LRRC63: variants seen among roughly 807,000 people sequenced by gnomAD.
LRRC63 encodes the protein leucine rich repeat containing 63.
LRRC63 carries 40 observed loss-of-function variants against 49.5 expected under a neutral mutation model. The observed-to-expected ratio is 0.81, with a 90% CI of 0.63 to 1.05. LRRC63 has a LOEUF of 1.05. Ranked by LOEUF, LRRC63 falls within the 50% of genes least tolerant of loss-of-function variation. The probability of loss-of-function intolerance (pLI) is 0.00; values close to 1 mark genes in which losing one functional copy is unlikely to be tolerated. For missense variants in LRRC63, 636 were observed against 663.1 expected, an observed-to-expected ratio of 0.96 and a Z score of 0.45; for synonymous variants, 191 against 221.1, an observed-to-expected ratio of 0.86 and a Z score of 1.21.
chr13:46,227,915 T>G (rs2046625225), exon 3 of LRRC63: 1 of 1,550,536 alleles, frequency 6.4e-7, no homozygotes, highest in East Asian at 2.4e-5. Context: ...AAAGTACTCC[T>G]GGCTCAGTTA....
chr13:46,270,112 G>T, intron 9 of LRRC63: 1 of 657,636 alleles, frequency 1.5e-6, no homozygotes. Context: ...AGCCGGTGGT[G>T]CCTTTGTTCG....
At chr13:46,219,773 G>A (rs560803867) in intron 2 of LRRC63, among the ~76,000 whole-genome samples, 125 of 152,246 alleles carry the variant, frequency 8.2e-4, no homozygotes, top group Admixed American at 9.8e-4. Context: ...GGTCACCTTC[G>A]GATGGGGTTT....
intron 2 of LRRC63, among the ~76,000 whole-genome samples, chr13:46,222,805 C>T (rs1371091997): frequency 2.0e-5 from 3 of 151,746 alleles, no homozygotes; most frequent in Non-Finnish European, 4.4e-5. Flanking sequence ...AGACTTGGAA[C>T]CAACCCAAAT....
At chr13:46,262,021 T>A in intron 8 of LRRC63, 29 bp downstream of exon 8, 1 of 661,904 alleles carries the variant, frequency 1.5e-6, no homozygotes, top group Non-Finnish European at 2.2e-6. Context: ...GAAAGTTATA[T>A]GCCCCTTAAT....
intron 9 of LRRC63, chr13:46,270,624 G>A: frequency 1.2e-6 from 1 of 834,150 alleles, no homozygotes; most frequent in Non-Finnish European, 2.1e-6. Flanking sequence ...ACGTCATGAG[G>A]ACTGACATGG....
At chr13:46,229,615 A>G (rs1001227864) in intron 4 of LRRC63, among the ~76,000 whole-genome samples, 37 of 152,170 alleles carry the variant, frequency 2.4e-4, no homozygotes, top group Non-Finnish European at 4.3e-4. Flanking sequence ...AATTGAAGGA[A>G]GGTGAATCAA....
chr13:46,257,538 T>C (rs1446308453), intron 7 of LRRC63, among the ~76,000 whole-genome samples: 1 of 152,124 alleles, frequency 6.6e-6, no homozygotes, highest in East Asian at 1.9e-4. Context: ...ATAAATTATA[T>C]AGTATGTGAG....
At chr13:46,240,020 C>T (rs1021554377) in intron 5 of LRRC63, among the ~76,000 whole-genome samples, 2 of 152,116 alleles carry the variant, frequency 1.3e-5, no homozygotes, top group Non-Finnish European at 1.5e-5. Context: ...TAAGAGCCAC[C>T]TATGACAGAC....
chr13:46,237,565 A>C (rs140408631), intron 5 of LRRC63, among the ~76,000 whole-genome samples: 2,367 of 152,256 alleles, frequency 0.016, 74 homozygotes, highest in African/African-American at 0.053. Flanking sequence ...AACTAAATCC[A>C]AAGCTAACAG....
chr13:46,228,781 A>T (rs1188306674), intron 4 of LRRC63, 48 bp downstream of exon 4: 2 of 1,269,742 alleles, frequency 1.6e-6, no homozygotes, highest in Non-Finnish European at 2.2e-6. Context: ...ATGTAAGATT[A>T]TATCTTTAAA....
intron 7 of LRRC63, among the ~76,000 whole-genome samples, chr13:46,253,975 TAAAG>T (rs929210124): frequency 1.3e-5 from 2 of 152,038 alleles, no homozygotes; most frequent in South Asian, 2.1e-4. Context: ...TACAGACAGA[TAAAG>T]AAATTATAAA....
At chr13:46,276,900 T>C (rs2138609001) in exon 10 of LRRC63, 1 of 156,286 alleles carries the variant, frequency 6.4e-6, no homozygotes, top group South Asian at 2.3e-4. Context: ...ATATATAAAC[T>C]TTACTGGCTT....
intron 7 of LRRC63, among the ~76,000 whole-genome samples, chr13:46,255,596 A>G (rs899815265): frequency 2.0e-5 from 3 of 149,796 alleles, no homozygotes; most frequent in Non-Finnish European, 4.4e-5. Context: ...TGAGCCTGGG[A>G]AGTTGAGGCT....
At position 46,227,900 on chromosome 13, in the gene LRRC63, A is replaced by C. The variant is rs561189831; in HGVS notation, c.474A>C (p.Lys158Asn). 7.5e-4 allele frequency: 1,160 copies of C among 1,550,500 alleles called. 2 individuals carry two copies. The highest frequency in any genetic ancestry group is 6.4e-4 in the Non-Finnish European group (739 of 1,146,996). The change falls in exon 3 of 10, where the codon AAA (lysine) becomes AAC (asparagine). Residue 158 changes from lysine to asparagine, a missense_variant. Lys to Asn is a moderately conservative substitution (Grantham distance 94). Coordinates refer to ENST00000595396, the Ensembl canonical transcript of LRRC63. ...TAATTCTTTCTTCCAAGTTTTCCAA[A>C]CCTAAAAGTACTCCTGGCTCAGTTA... is the stretch of plus-strand genomic sequence containing the variant.
chr13:46,271,630 C>G (rs1445664716), intron 9 of LRRC63, among the ~76,000 whole-genome samples: 1 of 151,702 alleles, frequency 6.6e-6, no homozygotes, highest in Non-Finnish European at 1.5e-5. Context: ...GTCTCACATA[C>G]TCTAGTTACC....
chr13:46,227,368 C>T, intron 2 of LRRC63, 144 bp from the exon 3 acceptor site: 1 of 558,990 alleles, frequency 1.8e-6, no homozygotes, highest in Non-Finnish European at 3.0e-6. Flanking sequence ...CAACACACAT[C>T]CTGGTAGCTG....
At position 46,264,574 on chromosome 13, in the gene LRRC63, A is replaced by G. The variant is rs532713251; in HGVS notation, c.1311-2159A>G. Among the ~76,000 whole-genome samples the G allele has an allele frequency of 8.5e-5, 13 of 152,130 alleles. No individual in the cohort carries two copies. The East Asian group carries it at 2.5e-3, about 29-fold the overall frequency. On this transcript the variant is annotated intron_variant, in intron 8 of 9. Coordinates refer to ENST00000595396, the Ensembl canonical transcript of LRRC63. The stretch of plus-strand genomic sequence containing the variant: ...TACACATCATGCATTTTGGTTCCAG[A>G]ACATCTCTGCGTGTCTGTGTGTGCT...
chr13:46,258,547 C>G (rs1424452892), intron 7 of LRRC63, among the ~76,000 whole-genome samples: 3 of 150,620 alleles, frequency 2.0e-5, no homozygotes, highest in Admixed American at 6.6e-5. Flanking sequence ...TGGTGGCTCA[C>G]GCCTGTAATC....
At chr13:46,253,421 A>T (rs1359621875) in intron 7 of LRRC63, among the ~76,000 whole-genome samples, 12 of 152,090 alleles carry the variant, frequency 7.9e-5, no homozygotes. Flanking sequence ...AAACACCATA[A>T]TAAATATATG....
Sources: allele counts gnomAD v4.1 joint callset (sites outside exome capture counted in the v4.1 genomes callset), GRCh38; gene constraint gnomAD v4.1.1; transcripts MANE v1.5; gene names NCBI Gene and HGNC (gene_info 2026-07-23, HGNC 2026-07-21).